Variants in GALNT13 observed in about 807,000 individuals in gnomAD.
GALNT13 encodes polypeptide N-acetylgalactosaminyltransferase 13, also known as UDP-GalNAc:polypeptide N-acetylgalactosaminyltransferase 13.
In GALNT13, 28 loss-of-function variants were observed where a neutral mutation model predicts 64.2. The observed-to-expected ratio is 0.44, with a 90% CI of 0.32 to 0.60. The LOEUF is 0.60. GALNT13 is among the 20% of genes least tolerant of loss of function. GALNT13 has a pLI of 0.05. For synonymous variants in GALNT13, 214 were observed against 224.6 expected (o/e 0.95, Z 0.42); for missense variants, 577 against 669.8 (o/e 0.86, Z 1.53).
upstream of GALNT13, among the ~76,000 whole-genome samples, chr2:153,868,395 G>A (rs1685800253): frequency 6.6e-6 from 1 of 152,108 alleles, no homozygotes; most frequent in Non-Finnish European, 1.5e-5. Flanking sequence ...AAATCAATGA[G>A]AAGCCACTTA....
chr2:153,786,243 G>A, the GALNT13 span, among the ~76,000 whole-genome samples: 4 of 152,120 alleles, frequency 2.6e-5, no homozygotes, highest in African/African-American at 7.2e-5. Flanking sequence ...TGCAGTTACA[G>A]TGGTATTTAT....
the GALNT13 span, among the ~76,000 whole-genome samples, chr2:153,710,722 T>C: frequency 6.6e-6 from 1 of 152,140 alleles, no homozygotes; most frequent in East Asian, 1.9e-4. Context: ...TGCTGTTTAT[T>C]ATAATATTAC....
At chr2:153,075,493 G>A in the GALNT13 span, among the ~76,000 whole-genome samples, 417 of 152,116 alleles carry the variant, frequency 2.7e-3, no homozygotes, top group African/African-American at 9.6e-3. Flanking sequence ...TATAATTACT[G>A]GAAGCAGATT....
intron 9 of GALNT13, among the ~76,000 whole-genome samples, chr2:154,343,492 T>C (rs1695889247): frequency 6.6e-6 from 1 of 152,068 alleles, no homozygotes; most frequent in East Asian, 1.9e-4. Context: ...ACTACTATTA[T>C]ACAATAGAGT....
At chr2:153,193,452 C>T in the GALNT13 span, among the ~76,000 whole-genome samples, 9 of 78,428 alleles carry the variant, frequency 1.1e-4, 1 homozygote, top group South Asian at 7.9e-4. Flanking sequence ...GTGGTGGGGT[C>T]GGGGGAGGGG....
At chr2:153,927,328 A>G (rs557810072) in intron 2 of GALNT13, among the ~76,000 whole-genome samples, 2 of 152,046 alleles carry the variant, frequency 1.3e-5, no homozygotes, top group African/African-American at 4.8e-5. Context: ...ATTAATTAGA[A>G]GTTTTGCAGA....
At chr2:153,316,639 C>CAAATAAAAAAA in the GALNT13 span, among the ~76,000 whole-genome samples, 2 of 69,842 alleles carry the variant, frequency 2.9e-5, no homozygotes, top group South Asian at 5.8e-4. Flanking sequence ...GACTCCGTCT[C>CAAATAAAAAAA]AAAAAAAAAA....
chr2:153,934,908 GTC>G (rs1335417180), intron 2 of GALNT13, among the ~76,000 whole-genome samples: 1 of 152,180 alleles, frequency 6.6e-6, no homozygotes, highest in Non-Finnish European at 1.5e-5. Flanking sequence ...GTGGAGGAGT[GTC>G]TCTCAATGAT....
intron 4 of GALNT13, among the ~76,000 whole-genome samples, chr2:154,176,939 A>G (rs1210052475): frequency 6.6e-6 from 1 of 152,192 alleles, no homozygotes; most frequent in African/African-American, 2.4e-5. Flanking sequence ...AGGGAGCAGC[A>G]GCATCTGCAA....
intron 3 of GALNT13, among the ~76,000 whole-genome samples, chr2:154,132,879 G>A (rs2008361): frequency 0.37 from 55,094 of 147,120 alleles, 10,514 homozygotes; most frequent in Non-Finnish European, 0.41. Flanking sequence ...TGGGTGACAG[G>A]GCAAGACTCT....
intron 3 of GALNT13, among the ~76,000 whole-genome samples, chr2:154,048,195 A>T (rs368762542): frequency 9.9e-5 from 15 of 152,154 alleles, no homozygotes; most frequent in East Asian, 5.8e-4. Flanking sequence ...TCTCATGCTA[A>T]CTCACTATCA....
chr2:154,229,592 A>G (rs1415035803), intron 4 of GALNT13, among the ~76,000 whole-genome samples: 1 of 152,056 alleles, frequency 6.6e-6, no homozygotes, highest in African/African-American at 2.4e-5. Context: ...ATTTACTGGG[A>G]GATGAGGAGA....
At position 154,379,526 on chromosome 2, in the gene GALNT13, G is replaced by A. The variant is rs367848842; in HGVS notation, c.1157-16465G>A. On this transcript the variant is annotated intron_variant, in intron 9 of 12. Transcript: ENST00000392825. Reference sequence around the variant, plus strand: ...TCCTACATATTCAATTCCTTAGAAGGCTGTTTGATTCTCATGTATTTAAAA... The same window carrying A: ...TCCTACATATTCAATTCCTTAGAAGACTGTTTGATTCTCATGTATTTAAAA... 1.5e-3 allele frequency among the ~76,000 whole-genome samples: 235 copies of A among 152,018 alleles called. 2 individuals carry two copies. Among genetic ancestry groups the A allele is most frequent in the African/African-American group, 5.3e-3 (219 of 41,508 alleles).
At chr2:154,394,510 T>C (rs185776204) in intron 9 of GALNT13, among the ~76,000 whole-genome samples, 2 of 152,256 alleles carry the variant, frequency 1.3e-5, no homozygotes, top group East Asian at 3.9e-4. Flanking sequence ...AAATTGACTA[T>C]TGAATTAAGT....
the GALNT13 span, among the ~76,000 whole-genome samples, chr2:153,365,438 A>G: frequency 4.6e-5 from 7 of 152,364 alleles, no homozygotes; most frequent in East Asian, 9.6e-4. Context: ...AGAAACTATC[A>G]TCAGAGTGAA....
At position 154,061,552 on chromosome 2, in the gene GALNT13, G is replaced by T. The variant is rs565583602; in HGVS notation, c.143-78785G>T. 9.2e-5 allele frequency among the ~76,000 whole-genome samples: 14 copies of T among 152,182 alleles called. No individual in the cohort carries two copies. In the Middle Eastern group the frequency reaches 0.02, roughly 222 times the overall value. ...TGCTCAACATCAGTCCTTTTTTAAAGTTTTTTCACTCCTCCCTTGGTTGGA... is the reference window on the plus strand; with the variant it reads ...TGCTCAACATCAGTCCTTTTTTAAATTTTTTTCACTCCTCCCTTGGTTGGA... On this transcript the variant is annotated intron_variant, in intron 3 of 12. Coordinates refer to ENST00000392825, the MANE Select transcript of GALNT13 (RefSeq NM_052917.4).
intron 3 of GALNT13, among the ~76,000 whole-genome samples, chr2:154,021,113 A>G (rs1249463857): frequency 6.6e-6 from 1 of 152,128 alleles, no homozygotes; most frequent in African/African-American, 2.4e-5. Context: ...GCCTTGTAGT[A>G]TAGTTTGAAG....
intron 3 of GALNT13, among the ~76,000 whole-genome samples, chr2:154,043,455 T>TATAC (rs1341373277): frequency 1.2e-4 from 13 of 104,992 alleles, no homozygotes; most frequent in African/African-American, 2.0e-4. Context: ...TATATATATA[T>TATAC]ACACACATGT....
the GALNT13 span, among the ~76,000 whole-genome samples, chr2:153,828,664 C>G: frequency 6.6e-6 from 1 of 152,154 alleles, no homozygotes; most frequent in Non-Finnish European, 1.5e-5. Flanking sequence ...CTCTGATATG[C>G]CCTGGAGATA....
Sources: gnomAD v4.1 joint callset for allele counts (sites outside exome capture counted in the v4.1 genomes callset) on GRCh38, gnomAD v4.1.1 for gene constraint, MANE v1.5 for transcripts, NCBI Gene and HGNC (gene_info 2026-07-23, HGNC 2026-07-21) for gene names.